BIN2: variants seen among roughly 807,000 people sequenced by gnomAD.
BIN2 encodes breast cancer associated protein BRAP1.
Under a neutral mutation model 67.9 loss-of-function variants are expected in BIN2, and 43 were observed. That is an observed-to-expected ratio of 0.63 (90% confidence interval 0.50 to 0.82). BIN2 has a LOEUF of 0.82. Ranked by LOEUF, BIN2 falls within the 40% of genes least tolerant of loss-of-function variation. The pLI is 0.00. For missense variants in BIN2, 581 were observed against 671.6 expected (o/e 0.87, Z 1.49); for synonymous variants, 244 against 246.8 (o/e 0.99, Z 0.11).
In BIN2 at chr12:51,295,817, A is replaced by G. The variant is rs780678634; in HGVS notation, c.740T>C (p.Phe247Ser). The G allele has an allele frequency of 1.3e-5, 21 of 1,612,976 alleles. No individual in the cohort carries two copies. In the South Asian group the frequency reaches 2.0e-4, roughly 15 times the overall value. The part of the protein sequence containing the change: ...KLEKQHSNKV[F>S]VVKGLSSSSR... ...TCACCTTGACAGTCCCTTCACCACAAAGACTTTATTGGAATGTTGCTTCTC... is the reference window on the plus strand; with the variant it reads ...TCACCTTGACAGTCCCTTCACCACAGAGACTTTATTGGAATGTTGCTTCTC... Residue 247 changes from phenylalanine (F) to serine (S), a missense_variant, in exon 9 of 13, where the codon TTT becomes TCT. Physicochemically the swap from Phe to Ser is radical, Grantham distance 155. Coordinates refer to ENST00000615107, the MANE Select transcript of BIN2 (RefSeq NM_016293.4).
intron 9 of BIN2, among the ~76,000 whole-genome samples, chr12:51,293,798 T>G (rs1773873772): frequency 6.6e-6 from 1 of 152,208 alleles, no homozygotes; most frequent in Non-Finnish European, 1.5e-5. Flanking sequence ...TTTATACTCA[T>G]GAGCTTGTAA....
intron 1 of BIN2, among the ~76,000 whole-genome samples, chr12:51,321,619 G>C (rs968329479): frequency 6.6e-6 from 1 of 152,058 alleles, no homozygotes; most frequent in African/African-American, 2.4e-5. Flanking sequence ...GGCTGGTCTC[G>C]AACTCCCGAC....
intron 3 of BIN2, 26 bp from the exon 4 acceptor site, chr12:51,302,806 C>T (rs1179316186): frequency 6.4e-7 from 1 of 1,572,762 alleles, no homozygotes; most frequent in African/African-American, 1.4e-5. Flanking sequence ...TCAGTCCCAC[C>T]ATCATGTTTC....
Position 51,295,575 on chromosome 12 carries a change from AAAATATATATATATATATATATATATAT to A in BIN2, c.761+193_761+220del, listed in dbSNP as rs1258424701. Among the ~76,000 whole-genome samples, 40 of 18,274 alleles carry A rather than the reference AAAATATATATATATATATATATATATAT, an allele frequency of 2.2e-3. 6 individuals carry two copies. The highest frequency in any genetic ancestry group is 8.3e-3 in the African/African-American group (37 of 4,456). 12.0% of individuals were successfully genotyped at this position (18,274 alleles called of 152,430 possible). A position where few individuals can be genotyped will look rare whatever the true frequency, so the allele number is the denominator to read the frequency against. On this transcript the variant is annotated intron_variant, in intron 9 of 12. Transcript: ENST00000615107. Reference sequence around the variant, plus strand: ...GAGACTCCGTCTCAAAAAAAAAAAAAAAATATATATATATATATATATATATATATATATATATATATATATATATATA... The same window carrying A: ...GAGACTCCGTCTCAAAAAAAAAAAAAATATATATATATATATATATATATA...
chr12:51,287,686 C>T (rs1247485047), intron 11 of BIN2, among the ~76,000 whole-genome samples: 2 of 146,720 alleles, frequency 1.4e-5, no homozygotes, highest in African/African-American at 5.1e-5. Flanking sequence ...GAGTCTCGCT[C>T]TGTCACCCAG....
chr12:51,304,564 C>T (rs995147394), intron 2 of BIN2, among the ~76,000 whole-genome samples: 1 of 152,186 alleles, frequency 6.6e-6, no homozygotes, highest in African/African-American at 2.4e-5. Flanking sequence ...CAAGGGAACT[C>T]TAGGGAGCCA....
rs1404977264 is a variant in BIN2, at chr12:51,324,166, G to T, written c.-64C>A. 4 of 1,595,712 alleles carry T rather than the reference G, an allele frequency of 2.5e-6. No individual in the cohort carries two copies. The African/African-American group carries it at 5.4e-5, about 22-fold the overall frequency. ...CCCTGTGGTTTTCTGAGGCCCCCGA[G>T]GAGGAAGTGCGGGCTCCCGGCATGC... On this transcript the variant is annotated 5_prime_UTR_variant, in exon 1 of 13. Transcript: ENST00000615107.
rs757935160 is a variant in BIN2 at position 51,324,127 on chromosome 12, G to A, written c.-25C>T. On this transcript the variant is annotated 5_prime_UTR_variant, in exon 1 of 13. Transcript: ENST00000615107. Reference sequence around the variant, plus strand: ...TCCTGCCAACTCCCTGGGGGCCGCCGCCCTGGCCCCGCGCCCTGTGGTTTT... The same window carrying A: ...TCCTGCCAACTCCCTGGGGGCCGCCACCCTGGCCCCGCGCCCTGTGGTTTT... 17 of 1,610,498 alleles carry A rather than the reference G, an allele frequency of 1.1e-5. No individual in the cohort carries two copies. Among genetic ancestry groups the A allele is most frequent in the Non-Finnish European group, 1.4e-5 (16 of 1,178,484 alleles).
chr12:51,302,126 G>T lies in BIN2; in HGVS notation c.313-11C>A. On this transcript the variant is annotated splice_polypyrimidine_tract_variant and intron_variant, in intron 4 of 12. Coordinates refer to ENST00000615107, the MANE Select transcript of BIN2 (RefSeq NM_016293.4). ...AAGGAGATCATTATTCTGTAGGATA[G>T]AGTCAGAGGCTGGTGAAGGCTCCAC... The T allele has an allele frequency of 6.3e-7, 1 of 1,593,024 alleles. No homozygotes were observed.
At position 51,291,040 on chromosome 12, in the gene BIN2, T is replaced by C. The variant is rs145474997; in HGVS notation, c.1515+551A>G. ...GGCGTGCACCTGTAATCCCAGCTAC[T>C]CTGGAGGCTGAGGCAGGAGAATCAC... On this transcript the variant is annotated intron_variant, in intron 10 of 12. Transcript: ENST00000615107. Among the ~76,000 whole-genome samples the C allele has an allele frequency of 4.9e-3, 745 of 152,104 alleles. 4 individuals carry two copies. The highest frequency in any genetic ancestry group is 0.017 in the African/African-American group (687 of 41,480).
intron 3 of BIN2, 30 bp downstream of exon 3, chr12:51,303,057 C>T (rs200797995): frequency 6.2e-7 from 1 of 1,610,400 alleles, no homozygotes; most frequent in East Asian, 2.2e-5. Flanking sequence ...TATAAATGCC[C>T]TCTGGATTCT....
intron 1 of BIN2, among the ~76,000 whole-genome samples, chr12:51,318,029 A>C (rs1946177636): frequency 6.6e-6 from 1 of 152,170 alleles, no homozygotes; most frequent in East Asian, 1.9e-4. Flanking sequence ...AATAGAGTAT[A>C]AAGGGTGACA....
chr12:51,324,187 C>A, upstream of BIN2: 2 of 1,552,340 alleles, frequency 1.3e-6, no homozygotes, highest in Non-Finnish European at 1.7e-6. Flanking sequence ...GGGCTCCCGG[C>A]ATGCCTCGCA....
intron 11 of BIN2, among the ~76,000 whole-genome samples, chr12:51,286,798 T>C (rs574220538): frequency 6.6e-6 from 1 of 152,298 alleles, no homozygotes; most frequent in East Asian, 1.9e-4. Flanking sequence ...GACTAGAAAC[T>C]GACCAAGGAA....
rs1205807137 is a variant in BIN2, at chr12:51,291,823, G to A, written c.1283C>T (p.Pro428Leu). The A allele has an allele frequency of 6.2e-7, 1 of 1,614,072 alleles. No homozygotes were observed. The highest frequency in any genetic ancestry group is 8.5e-7 in the Non-Finnish European group (1 of 1,179,996). The change falls in exon 10 of 13, where the codon CCC becomes CTC. Residue 428 changes from proline to leucine, a missense_variant. By Grantham distance (98) the Pro-to-Leu change is moderately conservative. Coordinates refer to ENST00000615107, the MANE Select transcript of BIN2 (RefSeq NM_016293.4). ...PPPRATASPR[P>L]SSGNIPSSPT... is the part of the protein sequence containing the mutation. The stretch of plus-strand genomic sequence containing the variant: ...GCTGGAAGGTATGTTCCCTGAGGAG[G>A]GCCTGGGGCTTGCAGTGGCTCTGGG...
intron 2 of BIN2, among the ~76,000 whole-genome samples, chr12:51,303,904 A>G (rs1012037562): frequency 1.3e-5 from 2 of 152,214 alleles, no homozygotes; most frequent in African/African-American, 2.4e-5. Context: ...ACTGGAAACT[A>G]ATGTCTTGCC....
At chr12:51,306,328 A>G (rs1408137881) in intron 2 of BIN2, among the ~76,000 whole-genome samples, 3 of 152,342 alleles carry the variant, frequency 2.0e-5, no homozygotes, top group Non-Finnish European at 4.4e-5. Context: ...AACATCATAT[A>G]AACAATCAAG....
intron 11 of BIN2, among the ~76,000 whole-genome samples, chr12:51,287,165 G>T (rs1016218904): frequency 6.6e-6 from 1 of 151,756 alleles, no homozygotes; most frequent in Non-Finnish European, 1.5e-5. Context: ...AAAGAGATGG[G>T]ATCTCACTAT....
chr12:51,290,914 C>A (rs908369836), intron 10 of BIN2, among the ~76,000 whole-genome samples: 1 of 150,298 alleles, frequency 6.7e-6, no homozygotes, highest in African/African-American at 2.4e-5. Context: ...TCCTGGGCGA[C>A]AGAGCGAGAC....
Sources: gnomAD v4.1 joint callset for allele counts (sites outside exome capture counted in the v4.1 genomes callset) on GRCh38, gnomAD v4.1.1 for gene constraint, MANE v1.5 for transcripts, NCBI Gene and HGNC (gene_info 2026-07-23, HGNC 2026-07-21) for gene names.